Variants in OSMR observed in about 807,000 individuals in gnomAD.
OSMR encodes the protein oncostatin M receptor, also known as oncostatin-M-specific receptor subunit beta.
OSMR carries 81 observed loss-of-function variants against 99.9 expected under a neutral mutation model. That is an observed-to-expected ratio of 0.81 (90% CI 0.68 to 0.97). The LOEUF is 0.97. Among genes scored for constraint, OSMR ranks in the 50% least tolerant of loss-of-function variants. The pLI is 0.00. For synonymous variants in OSMR, 406 were observed against 410.4 expected (o/e 0.99, Z 0.13); for missense variants, 1,099 against 1,153.4 (o/e 0.95, Z 0.68).
At chr5:38,929,953 A>G (rs1462318484) in intron 15 of OSMR, among the ~76,000 whole-genome samples, 1 of 152,240 alleles carries the variant, frequency 6.6e-6, no homozygotes, top group Non-Finnish European at 1.5e-5. Context: ...AGATGAATAC[A>G]TGATTAACTA....
At chr5:38,895,276 C>A (rs1453374199) in intron 7 of OSMR, among the ~76,000 whole-genome samples, 1 of 151,868 alleles carries the variant, frequency 6.6e-6, no homozygotes, top group African/African-American at 2.4e-5. Flanking sequence ...ATTGAGACCC[C>A]AAAACCCATA....
At chr5:38,862,371 G>C in intron 1 of OSMR, among the ~76,000 whole-genome samples, 1 of 99,748 alleles carries the variant, frequency 1.0e-5, no homozygotes, top group African/African-American at 4.2e-5. Flanking sequence ...GGGCGGCCGG[G>C]CAGAGGCGCC....
downstream of OSMR, chr5:38,945,306 C>G (rs1031994206): frequency 4.1e-5 from 25 of 613,402 alleles, 1 homozygote; most frequent in Admixed American, 6.6e-4. Flanking sequence ...CAGACTCAGG[C>G]CCCACTGTGA....
intron 7 of OSMR, among the ~76,000 whole-genome samples, chr5:38,899,238 T>C (rs1744735040): frequency 6.6e-6 from 1 of 152,138 alleles, no homozygotes; most frequent in Admixed American, 6.5e-5. Flanking sequence ...GGATTACAGG[T>C]GTGAGCCACT....
At chr5:38,919,098 C>G in intron 11 of OSMR, 36 bp downstream of exon 11, 1 of 1,609,230 alleles carries the variant, frequency 6.2e-7, no homozygotes, top group Non-Finnish European at 8.5e-7. Flanking sequence ...TTTTTATTCT[C>G]TAGGAAAATG....
chr5:38,876,522 C>T, intron 3 of OSMR, 149 bp downstream of exon 3: 2 of 699,638 alleles, frequency 2.9e-6, no homozygotes, highest in Non-Finnish European at 4.9e-6. Context: ...TCTGCATTTT[C>T]TGTTAATGAT....
chr5:38,866,358 G>A (rs192093197), intron 1 of OSMR, among the ~76,000 whole-genome samples: 1 of 152,310 alleles, frequency 6.6e-6, no homozygotes, highest in East Asian at 1.9e-4. Flanking sequence ...GTACATGCAG[G>A]TGGGTGGCAG....
intron 9 of OSMR, among the ~76,000 whole-genome samples, chr5:38,911,705 T>C (rs1313925738): frequency 6.6e-6 from 1 of 152,178 alleles, no homozygotes; most frequent in Non-Finnish European, 1.5e-5. Context: ...ATTAAAAAGC[T>C]AATCCACCAC....
At chr5:38,939,434 T>A (rs1217450624), downstream of OSMR, 1 of 232,046 alleles carries the variant, frequency 4.3e-6, no homozygotes, top group Non-Finnish European at 8.5e-6. Flanking sequence ...TAGAAAAAAT[T>A]TAATTAGGGA....
intron 9 of OSMR, among the ~76,000 whole-genome samples, chr5:38,907,970 T>C (rs990483757): frequency 1.3e-5 from 2 of 152,046 alleles, no homozygotes; most frequent in Non-Finnish European, 2.9e-5. Flanking sequence ...AAAGAGTGCA[T>C]GGACACCAGC....
At position 38,933,364 on chromosome 5, in the gene OSMR, C is replaced by T. The variant is rs368617745; in HGVS notation, c.2860C>T (p.Arg954Cys). 9.9e-6 allele frequency: 16 copies of T among 1,613,966 alleles called. No individual in the cohort carries two copies. Among genetic ancestry groups the T allele is most frequent in the South Asian group, 3.3e-5 (3 of 91,076 alleles). ...TAAAATGCAAATGGCAGTCTCCCTG[C>T]GTCTTGCCTTGCCTCCCCCGACCGA... ...EYKMQMAVSLRLALPPPTENS... is the reference protein window; with the variant it reads ...EYKMQMAVSLCLALPPPTENS... Residue 954 changes from arginine (R) to cysteine (C), a missense_variant, in exon 18 of 18, where the codon CGT becomes TGT. Physicochemically the swap from Arg to Cys is radical, Grantham distance 180. Transcript: ENST00000274276.
At chr5:38,877,816 A>G (rs963654279) in intron 3 of OSMR, among the ~76,000 whole-genome samples, 4 of 152,228 alleles carry the variant, frequency 2.6e-5, no homozygotes, top group Admixed American at 6.5e-5. Context: ...AAAAAATAAT[A>G]TTAGCCATAC....
exon 2 of OSMR, chr5:38,944,203 CT>C (rs1747919961): frequency 5.2e-6 from 3 of 577,174 alleles, no homozygotes; most frequent in African/African-American, 1.8e-5. Context: ...TTTTGCAGAT[CT>C]CTTCAAAAGT....
At chr5:38,905,556 C>T (rs1379073838) in intron 9 of OSMR, among the ~76,000 whole-genome samples, 1 of 151,986 alleles carries the variant, frequency 6.6e-6, no homozygotes, top group Non-Finnish European at 1.5e-5. Flanking sequence ...GCCCTCTGTG[C>T]TCCTCTCTTT....
chr5:38,921,402 G>A (rs1470569615), intron 11 of OSMR: 1 of 763,610 alleles, frequency 1.3e-6, no homozygotes, highest in Non-Finnish European at 1.6e-6. Context: ...AACATGATGG[G>A]CATCTGAAGG....
chr5:38,899,209 C>T (rs145076061), intron 7 of OSMR, among the ~76,000 whole-genome samples: 280 of 152,232 alleles, frequency 1.8e-3, no homozygotes, highest in African/African-American at 6.2e-3. Flanking sequence ...CCACCCACCT[C>T]GGCCTCTCAA....
chr5:38,885,535 C>T, intron 6 of OSMR, 51 bp downstream of exon 6: 4 of 1,605,972 alleles, frequency 2.5e-6, no homozygotes, highest in Non-Finnish European at 3.4e-6. Context: ...GCTTGAGGTG[C>T]TTGTGACAAC....
At chr5:38,918,685 G>A in intron 10 of OSMR, 155 bp from the exon 11 acceptor site, 4 of 957,290 alleles carry the variant, frequency 4.2e-6, no homozygotes, top group Non-Finnish European at 5.0e-6. Flanking sequence ...TGATTTCAGA[G>A]TTGGTTGAGA....
chr5:38,942,133 T>C (rs1193199301), intron 1 of OSMR: 2 of 418,582 alleles, frequency 4.8e-6, no homozygotes, highest in Non-Finnish European at 4.4e-6. Flanking sequence ...GGAAGTTGTT[T>C]TGGTTAGGAA....
Sources: gnomAD v4.1 joint callset for allele counts (sites outside exome capture counted in the v4.1 genomes callset) on GRCh38, gnomAD v4.1.1 for gene constraint, MANE v1.5 for transcripts, NCBI Gene and HGNC (gene_info 2026-07-23, HGNC 2026-07-21) for gene names.